SGCZ: variants seen among roughly 807,000 people sequenced by gnomAD.
SGCZ encodes zeta-sarcoglycan.
In SGCZ, 40 loss-of-function variants were observed where a neutral mutation model predicts 41.3. The ratio of observed to expected loss-of-function variants is 0.97; its 90% CI spans 0.75 to 1.26. The LOEUF (loss-of-function observed/expected upper bound fraction) is 1.26. Ranked by LOEUF, SGCZ falls within the 50% of genes most tolerant of loss-of-function variation. The pLI is 0.00. For missense variants in SGCZ, 552 were observed against 369.8 expected (o/e 1.49, Z -4.04); for synonymous variants, 206 against 137.5 (o/e 1.50, Z -3.49).
At chr8:14,457,205 C>T (rs1435290914) in intron 2 of SGCZ, among the ~76,000 whole-genome samples, 1 of 152,128 alleles carries the variant, frequency 6.6e-6, no homozygotes, top group Non-Finnish European at 1.5e-5. Flanking sequence ...ATAATCATAG[C>T]CTAGGAAAAA....
At chr8:14,132,598 T>A (rs1325291262) in intron 5 of SGCZ, among the ~76,000 whole-genome samples, 1 of 152,224 alleles carries the variant, frequency 6.6e-6, no homozygotes, top group African/African-American at 2.4e-5. Context: ...TTTGTCCATG[T>A]TTTTCTTTAG....
intron 1 of SGCZ, among the ~76,000 whole-genome samples, chr8:15,003,503 T>C (rs1802498297): frequency 6.6e-6 from 1 of 152,204 alleles, no homozygotes; most frequent in Non-Finnish European, 1.5e-5. Flanking sequence ...TAATAAATGA[T>C]TTGGTTACAA....
rs183526128 is a variant in SGCZ, at chr8:14,646,968, G to A, written c.40-92042C>T. Among the ~76,000 whole-genome samples, 42 of 152,034 alleles carry A rather than the reference G, an allele frequency of 2.8e-4. No homozygotes were observed. In the East Asian group the frequency reaches 7.6e-3, roughly 27 times the overall value. ...CAGCTGTCTCTGGGCTCACATTTCA[G>A]AAATGAAGCCTGGAAAATTTAGGTC... is the stretch of plus-strand genomic sequence containing the variant. On this transcript the variant is annotated intron_variant, in intron 1 of 7. Coordinates refer to ENST00000382080, the MANE Select transcript of SGCZ (RefSeq NM_139167.4).
At chr8:14,743,148 AAT>A (rs1446144468) in intron 1 of SGCZ, among the ~76,000 whole-genome samples, 2 of 152,102 alleles carry the variant, frequency 1.3e-5, no homozygotes, top group Non-Finnish European at 2.9e-5. Flanking sequence ...CATGATTATT[AAT>A]ATGTTAGTGA....
At chr8:15,185,798 A>G (rs1308898624) in intron 1 of SGCZ, among the ~76,000 whole-genome samples, 1 of 152,200 alleles carries the variant, frequency 6.6e-6, no homozygotes, top group Non-Finnish European at 1.5e-5. Flanking sequence ...AACTTGGTTA[A>G]TGATCATTTC....
At chr8:14,316,038 G>C (rs1188368880) in intron 3 of SGCZ, among the ~76,000 whole-genome samples, 1 of 151,768 alleles carries the variant, frequency 6.6e-6, no homozygotes, top group Admixed American at 6.6e-5. Context: ...ACAAAAATTA[G>C]AAAATTAGTC....
intron 1 of SGCZ, among the ~76,000 whole-genome samples, chr8:15,129,027 C>A (rs900497084): frequency 6.6e-6 from 1 of 152,200 alleles, no homozygotes; most frequent in Non-Finnish European, 1.5e-5. Context: ...CCTACCAGAT[C>A]TCATAGTGGA....
intron 1 of SGCZ, among the ~76,000 whole-genome samples, chr8:14,925,661 T>C (rs1039379391): frequency 6.6e-6 from 1 of 152,230 alleles, no homozygotes; most frequent in Non-Finnish European, 1.5e-5. Context: ...AGAAGCATCC[T>C]ATGCCAGATC....
intron 2 of SGCZ, among the ~76,000 whole-genome samples, chr8:14,348,040 A>G (rs1484339689): frequency 1.3e-5 from 2 of 152,032 alleles, no homozygotes; most frequent in Non-Finnish European, 2.9e-5. Context: ...TTCCAGGGGT[A>G]CATCTTACAA....
At chr8:14,778,454 T>A (rs1800480842) in intron 1 of SGCZ, among the ~76,000 whole-genome samples, 1 of 152,158 alleles carries the variant, frequency 6.6e-6, no homozygotes, top group African/African-American at 2.4e-5. Flanking sequence ...TTTCATCAGA[T>A]GCTCAGACTC....
At chr8:14,333,011 T>C (rs1435340450) in intron 2 of SGCZ, among the ~76,000 whole-genome samples, 1 of 151,592 alleles carries the variant, frequency 6.6e-6, no homozygotes, top group Non-Finnish European at 1.5e-5. Flanking sequence ...GTAGGAACAC[T>C]TGGAACACAT....
intron 4 of SGCZ, among the ~76,000 whole-genome samples, chr8:14,195,413 C>G (rs898728561): frequency 2.0e-5 from 3 of 152,032 alleles, no homozygotes; most frequent in African/African-American, 7.2e-5. Flanking sequence ...ATTTTTGAAA[C>G]AACTTCAGCT....
intron 1 of SGCZ, among the ~76,000 whole-genome samples, chr8:14,930,224 A>T (rs1033220794): frequency 3.3e-5 from 5 of 152,098 alleles, no homozygotes; most frequent in African/African-American, 1.2e-4. Context: ...GCAGCCGACA[A>T]ACATATGAAA....
intron 3 of SGCZ, among the ~76,000 whole-genome samples, chr8:14,246,878 C>A (rs1454715015): frequency 1.4e-5 from 2 of 141,086 alleles, no homozygotes; most frequent in African/African-American, 5.3e-5. Flanking sequence ...CCACTGCACT[C>A]CAGCCTGGGC....
chr8:14,497,719 C>T (rs1456516066), intron 2 of SGCZ, among the ~76,000 whole-genome samples: 1 of 152,074 alleles, frequency 6.6e-6, no homozygotes, highest in Non-Finnish European at 1.5e-5. Context: ...CTAAACCGTT[C>T]ATAAGGGATC....
At chr8:14,244,304 G>C (rs552342229) in intron 3 of SGCZ, among the ~76,000 whole-genome samples, 1 of 151,110 alleles carries the variant, frequency 6.6e-6, no homozygotes, top group African/African-American at 2.4e-5. Flanking sequence ...CCCAGAGCAA[G>C]GTTGGTAAAA....
intron 1 of SGCZ, among the ~76,000 whole-genome samples, chr8:15,045,736 A>G (rs1299556801): frequency 6.6e-6 from 1 of 152,088 alleles, no homozygotes; most frequent in Non-Finnish European, 1.5e-5. Context: ...TGAAGACCCT[A>G]TCCATCAGCC....
intron 2 of SGCZ, among the ~76,000 whole-genome samples, chr8:14,364,090 T>A (rs111546051): frequency 0.011 from 1,644 of 152,288 alleles, 29 homozygotes; most frequent in African/African-American, 0.036. Flanking sequence ...ATTTACTACA[T>A]GGCTGTTCAA....
intron 1 of SGCZ, among the ~76,000 whole-genome samples, chr8:15,119,296 C>G (rs1431535722): frequency 6.6e-6 from 1 of 152,030 alleles, no homozygotes; most frequent in Admixed American, 6.5e-5. Flanking sequence ...CTTGGGAGGC[C>G]GAGGTGGGTG....
Sources: gnomAD v4.1 joint callset for allele counts (sites outside exome capture counted in the v4.1 genomes callset) on GRCh38, gnomAD v4.1.1 for gene constraint, MANE v1.5 for transcripts, NCBI Gene and HGNC (gene_info 2026-07-23, HGNC 2026-07-21) for gene names.